CUBN: variants seen among roughly 807,000 people sequenced by gnomAD.
CUBN encodes 460 kDa receptor.
CUBN carries 282 observed loss-of-function variants against 405.3 expected under a neutral mutation model. The ratio of observed to expected loss-of-function variants is 0.70; its 90% CI spans 0.63 to 0.77. CUBN has a LOEUF of 0.77. Ranked by LOEUF, CUBN falls within the 30% of genes least tolerant of loss-of-function variation. The probability of loss-of-function intolerance (pLI) is 0.00; values close to 1 mark genes in which losing one functional copy is unlikely to be tolerated. For synonymous variants in CUBN, 1,684 were observed against 1,617.0 expected, an observed-to-expected ratio of 1.04 and a Z score of -0.99; for missense variants, 4,514 against 4,475.2, an observed-to-expected ratio of 1.01 and a Z score of -0.25.
chr10:17,065,131 C>CT (rs1491344121), intron 22 of CUBN, among the ~76,000 whole-genome samples: 1 of 5,628 alleles, frequency 1.8e-4, no homozygotes, highest in African/African-American at 5.0e-4. Flanking sequence ...TCTCTCTCTC[C>CT]CCCCCCCCCC....
chr10:17,125,547 A>G (rs929111543), intron 4 of CUBN, among the ~76,000 whole-genome samples: 1 of 152,192 alleles, frequency 6.6e-6, no homozygotes, highest in Non-Finnish European at 1.5e-5. Context: ...AACTCATTCA[A>G]AGGTTTTCTG....
chr10:17,045,331 G>T, intron 24 of CUBN, 143 bp from the exon 25 acceptor site: 1 of 781,484 alleles, frequency 1.3e-6, no homozygotes, highest in Non-Finnish European at 2.1e-6. Flanking sequence ...AGTAGTTATA[G>T]CCTAAAAATC....
chr10:17,103,886 G>A (rs532637377), intron 12 of CUBN, among the ~76,000 whole-genome samples: 1 of 152,304 alleles, frequency 6.6e-6, no homozygotes, highest in East Asian at 1.9e-4. Flanking sequence ...ACTCATGGTG[G>A]TACATGGGGT....
chr10:16,984,398 T>G (rs924994396), intron 29 of CUBN, 119 bp from the exon 30 acceptor site: 1 of 988,466 alleles, frequency 1.0e-6, no homozygotes, highest in Non-Finnish European at 1.6e-6. Context: ...GATTGAAATC[T>G]CAGCCTCCCT....
intron 6 of CUBN, among the ~76,000 whole-genome samples, chr10:17,116,872 C>T (rs917818429): frequency 4.6e-5 from 7 of 152,040 alleles, no homozygotes; most frequent in Non-Finnish European, 1.0e-4. Flanking sequence ...GCATTCAAGT[C>T]GGGAGGCCAG....
chr10:16,851,753 ACTCT>A (rs1839697467), intron 59 of CUBN, among the ~76,000 whole-genome samples: 1 of 33,974 alleles, frequency 2.9e-5, no homozygotes, highest in African/African-American at 1.4e-4. Context: ...TCCCTCCCTC[ACTCT>A]GTCTTTCCCT....
In CUBN at chr10:17,044,989, T is replaced by C; in HGVS notation, c.3672+18A>G. 1 of 1,611,892 alleles carries C rather than the reference T, an allele frequency of 6.2e-7. No homozygotes were observed. The highest frequency in any genetic ancestry group is 8.5e-7 in the Non-Finnish European group (1 of 1,178,038). On this transcript the variant is annotated intron_variant, in intron 25 of 66. Coordinates refer to ENST00000377833, the MANE Select transcript of CUBN (RefSeq NM_001081.4). Reference sequence around the variant, plus strand: ...GAGATGGGAGCAGGGAACAATATGATGGAAACATTATACATACAGCCAGGT... The same window carrying C: ...GAGATGGGAGCAGGGAACAATATGACGGAAACATTATACATACAGCCAGGT...
intron 14 of CUBN, among the ~76,000 whole-genome samples, chr10:17,098,123 C>CA (rs1836414893): frequency 6.6e-6 from 1 of 152,074 alleles, no homozygotes; most frequent in South Asian, 2.1e-4. Flanking sequence ...TTAGAGTAGC[C>CA]ACATGTAGGC....
At position 17,122,789 on chromosome 10, in the gene CUBN, A is replaced by AT; in HGVS notation, c.593+5_593+6insA. On this transcript the variant is annotated splice_donor_region_variant and intron_variant, in intron 6 of 66. Coordinates refer to ENST00000377833, the MANE Select transcript of CUBN (RefSeq NM_001081.4). ...GATATTTACCAAAAAAAAAAAAAAA[A>AT]GTTACCTGTAACTTCCCATTGTATT... The AT allele has an allele frequency of 1.3e-6, 2 of 1,582,766 alleles. No individual in the cohort carries two copies. The highest frequency in any genetic ancestry group is 1.7e-6 in the Non-Finnish European group (2 of 1,153,982).
At chr10:17,044,418 G>T (rs760439430) in intron 25 of CUBN, among the ~76,000 whole-genome samples, 2 of 151,488 alleles carry the variant, frequency 1.3e-5, no homozygotes, top group Non-Finnish European at 2.9e-5. Flanking sequence ...ATAAACTCAG[G>T]CAATTAAGCT....
chr10:16,905,796 T>A (rs1324462593), intron 50 of CUBN, among the ~76,000 whole-genome samples: 1 of 152,062 alleles, frequency 6.6e-6, no homozygotes, highest in African/African-American at 2.4e-5. Context: ...CTCCCTTCAT[T>A]GTTAGTAGTC....
intron 31 of CUBN, among the ~76,000 whole-genome samples, chr10:16,970,307 A>G (rs897961691): frequency 2.6e-5 from 4 of 152,218 alleles, no homozygotes; most frequent in Non-Finnish European, 4.4e-5. Context: ...GCTCACGCCT[A>G]TAATCCCAGC....
chr10:17,004,104 C>T (rs963099910), intron 28 of CUBN, among the ~76,000 whole-genome samples: 1 of 152,136 alleles, frequency 6.6e-6, no homozygotes, highest in Admixed American at 6.5e-5. Context: ...TCTGTCATTT[C>T]TTGTCCTGAT....
intron 33 of CUBN, among the ~76,000 whole-genome samples, chr10:16,950,750 G>T (rs1413744134): frequency 6.6e-6 from 1 of 152,238 alleles, no homozygotes; most frequent in East Asian, 1.9e-4. Flanking sequence ...CTCCTGGGTA[G>T]GTTCATTCCA....
chr10:16,906,106 C>A (rs537825275), intron 50 of CUBN, 97 bp downstream of exon 50: 1 of 998,156 alleles, frequency 1.0e-6, no homozygotes, highest in Non-Finnish European at 1.6e-6. Flanking sequence ...AGAGCAAGCT[C>A]CTGTCTCAAA....
intron 28 of CUBN, among the ~76,000 whole-genome samples, chr10:17,001,646 A>G (rs914702990): frequency 6.6e-6 from 1 of 152,250 alleles, no homozygotes; most frequent in Non-Finnish European, 1.5e-5. Context: ...AACATCAACA[A>G]CAGTAATAGT....
chr10:17,003,384 C>T (rs900087945), intron 28 of CUBN, among the ~76,000 whole-genome samples: 3 of 152,160 alleles, frequency 2.0e-5, no homozygotes, highest in Admixed American at 6.5e-5. Flanking sequence ...GCCCTGTGAA[C>T]CTGCGCTAGA....
chr10:16,859,460 A>C lies in CUBN; in HGVS notation c.9455-8017T>G, dbSNP rs546039483. On this transcript the variant is annotated intron_variant, in intron 59 of 66. Transcript: ENST00000377833. The stretch of plus-strand genomic sequence containing the variant: ...ATAAAATTAAATAACAACAACAGCA[A>C]CAATAACAGTACTCTACAATGAGAT... 7.9e-5 allele frequency among the ~76,000 whole-genome samples: 12 copies of C among 152,296 alleles called. No homozygotes were observed. In the South Asian group the frequency reaches 2.5e-3, roughly 32 times the overall value.
chr10:17,072,331 AAAGAAAGTTATGG>A, intron 17 of CUBN, among the ~76,000 whole-genome samples: 1 of 152,352 alleles, frequency 6.6e-6, no homozygotes, highest in South Asian at 2.1e-4. Context: ...ATCTGCAATC[AAAGAAAGTTATGG>A]ACTAAACTAC....
Sources: allele counts gnomAD v4.1 joint callset (sites outside exome capture counted in the v4.1 genomes callset), GRCh38; gene constraint gnomAD v4.1.1; transcripts MANE v1.5; gene names NCBI Gene and HGNC (gene_info 2026-07-23, HGNC 2026-07-21).